The following DYNC2I2 variants were observed in gnomAD, a reference collection of about 807,000 sequenced individuals.
DYNC2I2 encodes dynein 2 intermediate chain 2, also known as cytoplasmic dynein 2 intermediate chain 2.
Under a neutral mutation model 52.0 loss-of-function variants are expected in DYNC2I2, and 39 were observed. The ratio of observed to expected loss-of-function variants is 0.75; its 90% confidence interval spans 0.58 to 0.98. DYNC2I2 has a LOEUF of 0.98. Among genes scored for constraint, DYNC2I2 ranks in the 50% least tolerant of loss-of-function variants. DYNC2I2 has a pLI of 0.00. For synonymous variants in DYNC2I2, 359 were observed against 321.1 expected (o/e 1.12, Z -1.26); for missense variants, 743 against 728.4 (o/e 1.02, Z -0.23).
chr9:128,642,679 T>C (rs1860539874), intron 1 of DYNC2I2, among the ~76,000 whole-genome samples: 1 of 150,550 alleles, frequency 6.6e-6, no homozygotes, highest in Admixed American at 6.6e-5. Context: ...GGCGTGAACC[T>C]GGGAGGCAGA....
At chr9:128,648,467 C>A (rs1392716799) in intron 1 of DYNC2I2, among the ~76,000 whole-genome samples, 3 of 151,696 alleles carry the variant, frequency 2.0e-5, no homozygotes, top group Non-Finnish European at 4.4e-5. Context: ...CCGGGCCCGA[C>A]CAAGCCAGGC....
In DYNC2I2 at chr9:128,651,952, T is replaced by C. The variant is rs1368028056; in HGVS notation, c.186+4589A>G. On this transcript the variant is annotated intron_variant, in intron 1 of 8. Coordinates refer to ENST00000372715, the MANE Select transcript of DYNC2I2 (RefSeq NM_052844.4). ...AAAAAAAAGAAAGAAATATAGCACATGTGCTGCAGAGAATGAGCACATGGA... is the reference window on the plus strand; with the variant it reads ...AAAAAAAAGAAAGAAATATAGCACACGTGCTGCAGAGAATGAGCACATGGA... 6 of 144,554 alleles carry C rather than the reference T, an allele frequency of 4.2e-5. 1 individual carries two copies. Among genetic ancestry groups the C allele is most frequent in the Admixed American group, 6.9e-5 (1 of 14,444 alleles). The allele number at this position is 144,554 out of a possible 1,614,324, so 9.0% of individuals were successfully genotyped here.
rs1318102374 is a variant in DYNC2I2, at chr9:128,635,072, G to C, written c.981+20C>G. The C allele has an allele frequency of 1.9e-6, 3 of 1,602,094 alleles. No homozygotes were observed. In the African/African-American group the frequency reaches 4.0e-5, roughly 21 times the overall value. Reference sequence around the variant, plus strand: ...AGGCTCACCGGCGCAGGCCAGGGCAGTTTCCGGGTGCCCACGTACCTTCTT... The same window carrying C: ...AGGCTCACCGGCGCAGGCCAGGGCACTTTCCGGGTGCCCACGTACCTTCTT... On this transcript the variant is annotated intron_variant, in intron 6 of 8. Transcript: ENST00000372715.
chr9:128,668,205 C>T, the DYNC2I2 span, among the ~76,000 whole-genome samples: 19 of 151,572 alleles, frequency 1.3e-4, no homozygotes, highest in East Asian at 3.9e-4. Context: ...GTGATCCGCC[C>T]GCCTTGGCCT....
chr9:128,669,200 C>G, the DYNC2I2 span, among the ~76,000 whole-genome samples: 7 of 152,004 alleles, frequency 4.6e-5, no homozygotes, highest in South Asian at 1.2e-3. Context: ...TCCGTCTCTA[C>G]TAAAAATACA....
At chr9:128,669,226 G>A in the DYNC2I2 span, among the ~76,000 whole-genome samples, 5 of 151,870 alleles carry the variant, frequency 3.3e-5, no homozygotes, top group Admixed American at 6.6e-5. Context: ...TTAGCCAGGC[G>A]TGGTGGCATG....
chr9:128,670,594 G>A, the DYNC2I2 span, among the ~76,000 whole-genome samples: 1 of 151,630 alleles, frequency 6.6e-6, no homozygotes, highest in African/African-American at 2.4e-5. Context: ...AAATTAGCTG[G>A]GTGTGGTGGC....
intron 1 of DYNC2I2, among the ~76,000 whole-genome samples, chr9:128,652,944 G>C (rs1207288040): frequency 6.7e-6 from 1 of 148,692 alleles, no homozygotes; most frequent in East Asian, 2.0e-4. Flanking sequence ...AGTACCAAGA[G>C]TGCCAGGCAC....
At chr9:128,665,165 G>T in the DYNC2I2 span, among the ~76,000 whole-genome samples, 5 of 151,232 alleles carry the variant, frequency 3.3e-5, no homozygotes, top group African/African-American at 7.3e-5. Flanking sequence ...CAATTCTCCG[G>T]CCTCAGCCTC....
At chr9:128,683,519 G>A in the DYNC2I2 span, 5 of 250,742 alleles carry the variant, frequency 2.0e-5, no homozygotes, top group Non-Finnish European at 3.9e-5. Context: ...TCTCAGTAGG[G>A]GCAGGCCTGT....
chr9:128,684,114 C>G, the DYNC2I2 span: 1 of 880,268 alleles, frequency 1.1e-6, no homozygotes, highest in East Asian at 2.7e-5. Context: ...TAAGCACCCC[C>G]AAAGGGTTTT....
At chr9:128,638,206 G>A (rs1390743818) in intron 2 of DYNC2I2, among the ~76,000 whole-genome samples, 2 of 141,364 alleles carry the variant, frequency 1.4e-5, no homozygotes, top group African/African-American at 2.7e-5. Flanking sequence ...AAGCAACAGA[G>A]CAAGACCCTG....
chr9:128,637,422 TTTG>T (rs1241262738), intron 2 of DYNC2I2, among the ~76,000 whole-genome samples: 3 of 152,130 alleles, frequency 2.0e-5, no homozygotes, highest in Admixed American at 1.3e-4. Flanking sequence ...CACATGATTT[TTTG>T]TTGTTTGTGG....
At chr9:128,681,681 T>C in the DYNC2I2 span, among the ~76,000 whole-genome samples, 2 of 152,210 alleles carry the variant, frequency 1.3e-5, no homozygotes, top group African/African-American at 4.8e-5. Context: ...CTACCTTCTA[T>C]TAGCTGTTGT....
the DYNC2I2 span, among the ~76,000 whole-genome samples, chr9:128,670,629 G>A: frequency 2.2e-4 from 34 of 151,850 alleles, 1 homozygote; most frequent in Admixed American, 2.1e-3. Flanking sequence ...CCAGCTATTC[G>A]GGAAGCTGAA....
chr9:128,684,079 C>G, the DYNC2I2 span: 3 of 1,250,850 alleles, frequency 2.4e-6, no homozygotes, highest in Non-Finnish European at 3.4e-6. Context: ...TTTTTACCCC[C>G]CAATCCCTCT....
intron 1 of DYNC2I2, among the ~76,000 whole-genome samples, chr9:128,642,509 G>A (rs1158622158): frequency 2.0e-5 from 3 of 148,792 alleles, no homozygotes; most frequent in Middle Eastern, 3.3e-3. Flanking sequence ...AGTGGCTCAC[G>A]CCTGTAATCC....
intron 2 of DYNC2I2, 61 bp downstream of exon 2, chr9:128,640,630 A>G: frequency 6.4e-7 from 1 of 1,564,062 alleles, no homozygotes; most frequent in Non-Finnish European, 8.7e-7. Context: ...GGGAAGGAAA[A>G]CAAGAGGAGA....
At chr9:128,639,116 T>A (rs1860464326) in intron 2 of DYNC2I2, among the ~76,000 whole-genome samples, 1 of 151,774 alleles carries the variant, frequency 6.6e-6, no homozygotes, top group South Asian at 2.1e-4. Flanking sequence ...AAAAATTTTT[T>A]TGGCCAGGCG....
Sources: allele counts gnomAD v4.1 joint callset (sites outside exome capture counted in the v4.1 genomes callset), GRCh38; gene constraint gnomAD v4.1.1; transcripts MANE v1.5; gene names NCBI Gene and HGNC (gene_info 2026-07-23, HGNC 2026-07-21).